The following TRPM7 variants were observed in gnomAD, a reference collection of about 807,000 sequenced individuals.
TRPM7 encodes the protein LTRPC ion channel family member 7.
TRPM7 carries 134 observed loss-of-function variants against 229.7 expected under a neutral mutation model. The observed-to-expected ratio is 0.58, with a 90% CI of 0.51 to 0.67. The LOEUF is 0.67. TRPM7 is among the 30% of genes least tolerant of loss of function. The probability of loss-of-function intolerance (pLI) is 0.00; values close to 1 mark genes in which losing one functional copy is unlikely to be tolerated. For synonymous variants in TRPM7, 699 were observed against 715.2 expected (o/e 0.98, Z 0.36); for missense variants, 1,901 against 2,210.0 (o/e 0.86, Z 2.80).
At position 50,604,926 on chromosome 15, in the gene TRPM7, C is replaced by T; in HGVS notation, c.2928G>A (p.Leu976=). ...CLNIIFWYVR[L]LDFLAVNQQA... ...GTTGATTTACAGCTAGAAAATCTAG[C>T]AAACGCACATACCAAAATATTATGT... Residue 976 remains leucine, a synonymous_variant, in exon 21 of 39, where the codon TTG becomes TTA. Transcript: ENST00000646667. The T allele has an allele frequency of 1.9e-6, 3 of 1,613,026 alleles. No individual in the cohort carries two copies. The highest frequency in any genetic ancestry group is 2.5e-6 in the Non-Finnish European group (3 of 1,179,516).
chr15:50,644,995 A>C (rs1349018663), intron 4 of TRPM7, among the ~76,000 whole-genome samples: 1 of 151,252 alleles, frequency 6.6e-6, no homozygotes, highest in East Asian at 2.0e-4. Flanking sequence ...TCTGCCTCCC[A>C]GGCTCAAGCC....
intron 1 of TRPM7, among the ~76,000 whole-genome samples, chr15:50,685,312 A>G (rs1198729129): frequency 2.6e-5 from 4 of 152,116 alleles, no homozygotes; most frequent in African/African-American, 4.8e-5. Context: ...AAAAATGCAA[A>G]AATTAGCCGG....
chr15:50,583,034 TA>T, intron 29 of TRPM7, 54 bp downstream of exon 29: 1 of 1,274,758 alleles, frequency 7.8e-7, no homozygotes, highest in Non-Finnish European at 1.1e-6. Context: ...AGATCTTATC[TA>T]AAAAAGTTTA....
chr15:50,607,109 C>T, intron 20 of TRPM7, 91 bp downstream of exon 20: 1 of 1,122,544 alleles, frequency 8.9e-7, no homozygotes, highest in Non-Finnish European at 1.3e-6. Flanking sequence ...TACACACACA[C>T]ACCCCCCTAC....
intron 21 of TRPM7, among the ~76,000 whole-genome samples, chr15:50,600,290 A>T (rs1171187917): frequency 2.0e-5 from 3 of 152,158 alleles, no homozygotes; most frequent in Non-Finnish European, 4.4e-5. Context: ...TATAAAACTT[A>T]GCCGGGCGTG....
intron 3 of TRPM7, among the ~76,000 whole-genome samples, chr15:50,657,090 G>A (rs12899181): frequency 0.17 from 25,518 of 152,072 alleles, 2,373 homozygotes; most frequent in African/African-American, 0.25. Context: ...TTGGGAGGCC[G>A]AGGCGGGTGG....
rs563148909 is a variant in TRPM7 at position 50,579,277 on chromosome 15, T to G, written c.4593-613A>C. Among the ~76,000 whole-genome samples the G allele has an allele frequency of 2.6e-5, 4 of 152,324 alleles. No individual in the cohort carries two copies. In the South Asian group the frequency reaches 8.3e-4, roughly 32 times the overall value. ...GAATAAAGGAAAACGGGTTAGAGGC[T>G]TAGCACTTTCATTACACAGCTATGT... On this transcript the variant is annotated intron_variant, in intron 30 of 38. Transcript: ENST00000646667.
intron 1 of TRPM7, among the ~76,000 whole-genome samples, chr15:50,672,499 G>C (rs921891209): frequency 2.6e-5 from 4 of 152,060 alleles, no homozygotes; most frequent in African/African-American, 7.2e-5. Flanking sequence ...CAAGATGAGA[G>C]GTGGAAGACA....
chr15:50,656,499 CTTTTT>C (rs75557468), intron 3 of TRPM7, among the ~76,000 whole-genome samples: 5 of 133,508 alleles, frequency 3.7e-5, no homozygotes, highest in African/African-American at 1.4e-4. Flanking sequence ...GTGTGGTTTT[CTTTTT>C]TTTTTTTTTT....
intron 28 of TRPM7, among the ~76,000 whole-genome samples, chr15:50,585,077 C>CGG (rs1566957216): frequency 1.0e-5 from 1 of 99,812 alleles, no homozygotes; most frequent in African/African-American, 4.1e-5. Flanking sequence ...TTTTTTGAGA[C>CGG]GGAGTCTCGC....
intron 3 of TRPM7, among the ~76,000 whole-genome samples, chr15:50,650,376 TATC>T (rs528492876): frequency 8.0e-4 from 122 of 151,722 alleles, no homozygotes; most frequent in Non-Finnish European, 1.6e-3. Flanking sequence ...TCAAAAAAAG[TATC>T]ATTAAATTAG....
At chr15:50,601,198 A>G (rs2140414457) in intron 21 of TRPM7, among the ~76,000 whole-genome samples, 1 of 152,354 alleles carries the variant, frequency 6.6e-6, no homozygotes, top group East Asian at 1.9e-4. Flanking sequence ...AAAATTATTC[A>G]AGGTCTATGG....
At chr15:50,567,125 T>C (rs2053634868) in intron 38 of TRPM7, among the ~76,000 whole-genome samples, 1 of 152,082 alleles carries the variant, frequency 6.6e-6, no homozygotes, top group South Asian at 2.1e-4. Context: ...CAGTCCTATC[T>C]CTATTAAAGA....
chr15:50,631,653 G>C (rs1466995511), intron 9 of TRPM7, among the ~76,000 whole-genome samples, 164 bp from the exon 10 acceptor site: 1 of 151,892 alleles, frequency 6.6e-6, no homozygotes, highest in Non-Finnish European at 1.5e-5. Context: ...ATATATTTAT[G>C]TATATAGTTA....
intron 12 of TRPM7, 136 bp downstream of exon 12, chr15:50,624,030 T>G (rs1261580141): frequency 1.1e-6 from 1 of 890,002 alleles, no homozygotes; most frequent in Non-Finnish European, 1.6e-6. Flanking sequence ...CAATCCATAC[T>G]AAGACTGGCT....
At chr15:50,683,239 A>G (rs1346623590) in intron 1 of TRPM7, among the ~76,000 whole-genome samples, 2 of 152,076 alleles carry the variant, frequency 1.3e-5, no homozygotes, top group Non-Finnish European at 2.9e-5. Context: ...CACTTAAAAA[A>G]AAAAAACTGC....
intron 1 of TRPM7, among the ~76,000 whole-genome samples, chr15:50,672,890 C>G (rs2062019339): frequency 1.0e-5 from 1 of 95,860 alleles, no homozygotes; most frequent in Non-Finnish European, 1.8e-5. Context: ...CAGAGTGAGA[C>G]TCTGTCTCAA....
intron 3 of TRPM7, among the ~76,000 whole-genome samples, chr15:50,651,947 T>C (rs192642892): frequency 3.9e-5 from 6 of 151,924 alleles, no homozygotes; most frequent in Admixed American, 3.9e-4. Flanking sequence ...GTTTTAAAAA[T>C]TTCATTTAAA....
At chr15:50,590,686 T>TG (rs1438660103) in intron 26 of TRPM7, among the ~76,000 whole-genome samples, 1 of 152,158 alleles carries the variant, frequency 6.6e-6, no homozygotes, top group Non-Finnish European at 1.5e-5. Context: ...TAGCCAGGTG[T>TG]GGTGGCGTGT....
Sources: gnomAD v4.1 joint callset for allele counts (sites outside exome capture counted in the v4.1 genomes callset) on GRCh38, gnomAD v4.1.1 for gene constraint, MANE v1.5 for transcripts, NCBI Gene and HGNC (gene_info 2026-07-23, HGNC 2026-07-21) for gene names.